SH3PXD2A: variants seen among roughly 807,000 people sequenced by gnomAD.
SH3PXD2A encodes SH3 and PX domains 2A, also known as SH3 and PX domain-containing protein 2A.
In SH3PXD2A, 32 loss-of-function variants were observed where a neutral mutation model predicts 115.2. The observed-to-expected ratio is 0.28, with a 90% CI of 0.21 to 0.37. The LOEUF is 0.37. SH3PXD2A is among the 10% of genes least tolerant of loss of function. The pLI is 1.00. For synonymous variants in SH3PXD2A, 610 were observed against 629.1 expected (o/e 0.97, Z 0.45); for missense variants, 1,328 against 1,498.7 (o/e 0.89, Z 1.88).
At chr10:103,670,952 C>T (rs2037450789) in intron 6 of SH3PXD2A, among the ~76,000 whole-genome samples, 1 of 152,256 alleles carries the variant, frequency 6.6e-6, no homozygotes, top group South Asian at 2.1e-4. Flanking sequence ...AAGTGGGCTG[C>T]CTGCTGCAAG....
At chr10:103,689,027 C>T (rs938410812) in intron 6 of SH3PXD2A, among the ~76,000 whole-genome samples, 4 of 152,052 alleles carry the variant, frequency 2.6e-5, no homozygotes, top group Admixed American at 6.6e-5. Context: ...CCACTACATC[C>T]GGCTAATTTA....
intron 2 of SH3PXD2A, among the ~76,000 whole-genome samples, chr10:103,770,578 T>C (rs2038806722): frequency 6.6e-6 from 1 of 152,216 alleles, no homozygotes; most frequent in Admixed American, 6.5e-5. Flanking sequence ...CAGAATGAAC[T>C]CTTACTTGGT....
At chr10:103,718,200 G>T (rs921481117) in intron 5 of SH3PXD2A, among the ~76,000 whole-genome samples, 1 of 151,520 alleles carries the variant, frequency 6.6e-6, no homozygotes, top group Admixed American at 6.6e-5. Flanking sequence ...TTTTTTTGTA[G>T]AGATGGGGGT....
rs116472461 is a variant in SH3PXD2A at position 103,605,376 on chromosome 10, G to A, written c.1428+422C>T. 1.3e-3 allele frequency among the ~76,000 whole-genome samples: 204 copies of A among 152,298 alleles called. 1 individual carries two copies. The highest frequency in any genetic ancestry group is 4.8e-3 in the African/African-American group (199 of 41,554). On this transcript the variant is annotated intron_variant, in intron 14 of 14. Transcript: ENST00000369774. Reference sequence around the variant, plus strand: ...AAAGCTTGTGGGGTTGGGCAATGCTGTCTATTCTAGACCCCTTGTAGGTGA... The same window carrying A: ...AAAGCTTGTGGGGTTGGGCAATGCTATCTATTCTAGACCCCTTGTAGGTGA...
intron 7 of SH3PXD2A, among the ~76,000 whole-genome samples, chr10:103,664,736 G>A (rs573467321): frequency 2.0e-5 from 3 of 149,370 alleles, no homozygotes; most frequent in African/African-American, 7.4e-5. Flanking sequence ...GCAAAATCTC[G>A]GCTCACTGCA....
chr10:103,805,899 C>G (rs2039197189), intron 1 of SH3PXD2A, among the ~76,000 whole-genome samples: 1 of 152,252 alleles, frequency 6.6e-6, no homozygotes, highest in South Asian at 2.1e-4. Flanking sequence ...GAAGTCATCT[C>G]TGTTTAACCC....
intron 6 of SH3PXD2A, among the ~76,000 whole-genome samples, chr10:103,678,463 G>C (rs1291869763): frequency 6.6e-6 from 1 of 152,234 alleles, no homozygotes; most frequent in African/African-American, 2.4e-5. Context: ...TAACCCTTCA[G>C]CACCACAGCT....
intron 2 of SH3PXD2A, among the ~76,000 whole-genome samples, chr10:103,792,565 G>A: frequency 6.6e-6 from 1 of 152,202 alleles, no homozygotes; most frequent in East Asian, 1.9e-4. Context: ...ACCCAGTGAG[G>A]CAGTTATTAC....
chr10:103,841,907 G>A (rs1354934645), intron 1 of SH3PXD2A, among the ~76,000 whole-genome samples: 1 of 152,074 alleles, frequency 6.6e-6, no homozygotes, highest in African/African-American at 2.4e-5. Flanking sequence ...GGTGGATCAC[G>A]AGGTCAGGAG....
At chr10:103,839,818 G>A (rs1665911136) in intron 1 of SH3PXD2A, among the ~76,000 whole-genome samples, 3 of 152,224 alleles carry the variant, frequency 2.0e-5, no homozygotes, top group South Asian at 2.1e-4. Context: ...CTAAGCAGCC[G>A]AACCAGGGGG....
chr10:103,718,789 A>ACACG (rs946376286), intron 5 of SH3PXD2A, among the ~76,000 whole-genome samples: 3 of 150,366 alleles, frequency 2.0e-5, no homozygotes, highest in African/African-American at 7.4e-5. Flanking sequence ...ACACACACAC[A>ACACG]CACACACACG....
intron 5 of SH3PXD2A, among the ~76,000 whole-genome samples, chr10:103,707,288 C>T (rs1003424922): frequency 3.3e-5 from 5 of 151,974 alleles, no homozygotes; most frequent in East Asian, 3.9e-4. Context: ...CCTCCGCCTC[C>T]GGGTTCAAGT....
intron 2 of SH3PXD2A, among the ~76,000 whole-genome samples, chr10:103,790,449 C>A (rs1171208521): frequency 2.0e-5 from 3 of 152,102 alleles, no homozygotes; most frequent in Non-Finnish European, 4.4e-5. Flanking sequence ...CCACCGCGCC[C>A]GGCCCAGAAA....
intron 1 of SH3PXD2A, among the ~76,000 whole-genome samples, 186 bp from the exon 2 acceptor site, chr10:103,801,548 C>T (rs1215062905): frequency 6.6e-6 from 1 of 151,730 alleles, no homozygotes; most frequent in Non-Finnish European, 1.5e-5. Flanking sequence ...TAAATACACA[C>T]ACACACACAC....
At chr10:103,605,994 C>A in intron 13 of SH3PXD2A, 77 bp from the exon 14 acceptor site, 1 of 1,538,312 alleles carries the variant, frequency 6.5e-7, no homozygotes. Flanking sequence ...GGTCCCCACT[C>A]AGTCCCCAGG....
chr10:103,630,237 A>G (rs1341677238), intron 8 of SH3PXD2A, among the ~76,000 whole-genome samples: 1 of 152,122 alleles, frequency 6.6e-6, no homozygotes, highest in Non-Finnish European at 1.5e-5. Context: ...TCTGCCTGGG[A>G]TGTTTTTCCC....
chr10:103,722,781 T>G (rs2134170654), intron 5 of SH3PXD2A, among the ~76,000 whole-genome samples: 1 of 152,260 alleles, frequency 6.6e-6, no homozygotes, highest in South Asian at 2.1e-4. Flanking sequence ...ACTCAATACT[T>G]TGCATCCTAT....
At chr10:103,805,549 C>T (rs1396340187) in intron 1 of SH3PXD2A, among the ~76,000 whole-genome samples, 1 of 152,218 alleles carries the variant, frequency 6.6e-6, no homozygotes, top group Non-Finnish European at 1.5e-5. Context: ...CTGCACATGA[C>T]CAGAGCATCC....
intron 2 of SH3PXD2A, among the ~76,000 whole-genome samples, chr10:103,768,347 TAC>T (rs1465992323): frequency 6.6e-6 from 1 of 152,192 alleles, no homozygotes; most frequent in African/African-American, 2.4e-5. Context: ...CTAGCAATTC[TAC>T]AGAGACCTGC....
Sources: gnomAD v4.1 joint callset for allele counts (sites outside exome capture counted in the v4.1 genomes callset) on GRCh38, gnomAD v4.1.1 for gene constraint, MANE v1.5 for transcripts, NCBI Gene and HGNC (gene_info 2026-07-23, HGNC 2026-07-21) for gene names.